Variants in TMC2 observed in about 807,000 individuals in gnomAD.
The protein encoded by TMC2 is transmembrane channel-like protein 2.
In TMC2, 102 loss-of-function variants were observed where a neutral mutation model predicts 105.9. The observed-to-expected ratio is 0.96, with a 90% CI of 0.82 to 1.14. The LOEUF (loss-of-function observed/expected upper bound fraction) is 1.14, where lower values mean the gene tolerates loss of function less well. Among genes scored for constraint, TMC2 ranks in the 50% most tolerant of loss-of-function variants. The pLI is 0.00. For missense variants in TMC2, 1,093 were observed against 1,134.3 expected (o/e 0.96, Z 0.52); for synonymous variants, 402 against 422.8 (o/e 0.95, Z 0.60).
chr20:2,612,189 A>T lies in TMC2; in HGVS notation c.1594-2A>T, dbSNP rs776251786. On this transcript the variant is annotated splice_acceptor_variant, in intron 12 of 19. Transcript: ENST00000358864. LOFTEE classifies it high-confidence loss of function. ...ACCCCACACCTCCATCTTCTGTTCTAGCTTGCTAATGAAGAGACAATAAAG... is the reference window on the plus strand; with the variant it reads ...ACCCCACACCTCCATCTTCTGTTCTTGCTTGCTAATGAAGAGACAATAAAG... 1.3e-6 allele frequency: 2 copies of T among 1,594,014 alleles called. No individual in the cohort carries two copies. Among genetic ancestry groups the T allele is most frequent in the South Asian group, 2.3e-5 (2 of 88,332 alleles).
chr20:2,610,330 A>C, intron 11 of TMC2, 89 bp from the exon 12 acceptor site: 1 of 1,229,970 alleles, frequency 8.1e-7, no homozygotes, highest in Non-Finnish European at 1.1e-6. Context: ...GCAGCAGAGA[A>C]GTGGAGATGG....
chr20:2,624,261 C>CT lies in TMC2; in HGVS notation c.2181-5dup. 2 of 1,613,438 alleles carry CT rather than the reference C, an allele frequency of 1.2e-6. No individual in the cohort carries two copies. Among genetic ancestry groups the CT allele is most frequent in the Non-Finnish European group, 1.7e-6 (2 of 1,179,582 alleles). ...GCAGCATGTTATATTGTGTCCTCTCCTTTTTCCAGTGGGAAAAACAGAATG... is the reference window on the plus strand; with the variant it reads ...GCAGCATGTTATATTGTGTCCTCTCCTTTTTTCCAGTGGGAAAAACAGAATG... On this transcript the variant is annotated splice_polypyrimidine_tract_variant and intron_variant, in intron 16 of 19. Coordinates refer to ENST00000358864, the MANE Select transcript of TMC2 (RefSeq NM_080751.3).
At chr20:2,597,118 G>T in intron 9 of TMC2, 33 bp from the exon 10 acceptor site, 2 of 1,598,306 alleles carry the variant, frequency 1.3e-6, no homozygotes, top group Non-Finnish European at 1.7e-6. Flanking sequence ...CAGAAAGAGG[G>T]CAGACGTCAC....
intron 13 of TMC2, 42 bp from the exon 14 acceptor site, chr20:2,613,152 G>T: frequency 3.1e-6 from 5 of 1,591,398 alleles, no homozygotes; most frequent in Non-Finnish European, 4.3e-6. Context: ...GGAGAAGTGG[G>T]CAAGGTCTCC....
intron 5 of TMC2, among the ~76,000 whole-genome samples, chr20:2,575,370 C>CATTTT (rs2086136495): frequency 1.3e-5 from 2 of 152,112 alleles, no homozygotes; most frequent in Non-Finnish European, 2.9e-5. Context: ...ACTATTTTCC[C>CATTTT]CAATCTATAG....
chr20:2,555,868 G>A (rs1054612045), intron 2 of TMC2, among the ~76,000 whole-genome samples: 1 of 152,090 alleles, frequency 6.6e-6, no homozygotes, highest in African/African-American at 2.4e-5. Flanking sequence ...ACTAATTCAA[G>A]TCCACTTTTA....
chr20:2,609,516 G>A lies in TMC2; in HGVS notation c.1414-903G>A, dbSNP rs1276151338. 5.3e-5 allele frequency among the ~76,000 whole-genome samples: 8 copies of A among 152,194 alleles called. No homozygotes were observed. The East Asian group carries it at 1.5e-3, about 29-fold the overall frequency. On this transcript the variant is annotated intron_variant, in intron 11 of 19. Transcript: ENST00000358864. ...GCAGGCTCAACAAGAATAAACCAAAGCACAAACAATAGTAGGCAGGAATAC... is the reference window on the plus strand; with the variant it reads ...GCAGGCTCAACAAGAATAAACCAAAACACAAACAATAGTAGGCAGGAATAC...
In TMC2 at chr20:2,561,954, C is replaced by T. The variant is rs1209973978; in HGVS notation, c.498C>T (p.Leu166=). The change falls in exon 4 of 20, where the codon CTC becomes CTT. Residue 166 remains leucine, a synonymous_variant. Coordinates refer to ENST00000358864, the MANE Select transcript of TMC2 (RefSeq NM_080751.3). ...ILEQVEEKKK[L]IATMRSKPWP... is the part of the protein sequence containing the mutation. ...AGCAGGTGGAAGAAAAAAAGAAGCT[C>T]ATTGCCACCATGCGGAGCAAGCCCT... The T allele has an allele frequency of 6.2e-7, 1 of 1,614,242 alleles. No homozygotes were observed. Among genetic ancestry groups the T allele is most frequent in the Admixed American group, 1.7e-5 (1 of 60,036 alleles).
Position 2,558,607 on chromosome 20 carries a change from A to G in TMC2, c.234A>G (p.Arg78=), listed in dbSNP as rs376926906. 80 of 1,558,046 alleles carry G rather than the reference A, an allele frequency of 5.1e-5. No individual in the cohort carries two copies. The highest frequency in any genetic ancestry group is 1.4e-4 in the Admixed American group (7 of 51,296). ...SPRRKQTGRR[R]HREELGEQER... is the part of the protein sequence containing the mutation. ...GGAGGAAGCAAACAGGGCGCAGGAG[A>G]CACAGAGAAGAGCTGGGGGAGCAGG... Residue 78 remains arginine, a synonymous_variant, in exon 3 of 20, where the codon AGA becomes AGG. Coordinates refer to ENST00000358864, the MANE Select transcript of TMC2 (RefSeq NM_080751.3). The surrounding 1 kb of genome is among the most constrained non-coding windows in gnomAD (Gnocchi z 4.6).
chr20:2,584,789 T>C, intron 7 of TMC2, among the ~76,000 whole-genome samples: 1 of 149,780 alleles, frequency 6.7e-6, no homozygotes, highest in Non-Finnish European at 1.5e-5. Flanking sequence ...CTCTGAAATG[T>C]CTTTTTTTTT....
At chr20:2,632,375 A>G (rs2086609731) in intron 17 of TMC2, among the ~76,000 whole-genome samples, 1 of 152,132 alleles carries the variant, frequency 6.6e-6, no homozygotes, top group African/African-American at 2.4e-5. Flanking sequence ...TTGGTGAGAC[A>G]TCATTTTGAT....
At chr20:2,565,619 A>C (rs951104571) in intron 4 of TMC2, among the ~76,000 whole-genome samples, 8 of 152,130 alleles carry the variant, frequency 5.3e-5, no homozygotes, top group Admixed American at 2.0e-4. Flanking sequence ...CTGAAAATAA[A>C]GTCTCCAGTT....
intron 2 of TMC2, among the ~76,000 whole-genome samples, chr20:2,546,346 G>A (rs956860416): frequency 7.2e-5 from 11 of 152,136 alleles, no homozygotes; most frequent in South Asian, 2.1e-4. Flanking sequence ...GAATGATTAA[G>A]GATGTAAATA....
intron 10 of TMC2, among the ~76,000 whole-genome samples, chr20:2,600,458 A>G (rs1280956543): frequency 1.3e-5 from 2 of 152,128 alleles, no homozygotes; most frequent in African/African-American, 4.8e-5. Flanking sequence ...CAGGTGGATC[A>G]CCTGAGGTCA....
intron 4 of TMC2, among the ~76,000 whole-genome samples, chr20:2,571,519 C>A (rs113911275): frequency 1.3e-5 from 2 of 152,004 alleles, no homozygotes; most frequent in Admixed American, 1.3e-4. Flanking sequence ...GGTAAGGGTG[C>A]GGAAAAACAA....
rs142427354 is a variant in TMC2 at position 2,628,641 on chromosome 20, C to T, written c.2306+4245C>T. Among the ~76,000 whole-genome samples the T allele has an allele frequency of 7.1e-3, 1,080 of 152,252 alleles. 13 individuals are homozygous for T. Among genetic ancestry groups the T allele is most frequent in the African/African-American group, 0.025 (1,037 of 41,544 alleles). ...TATAAGGGGCTCTTCCCACTTTGCT[C>T]GGCACTTCTCCTTCCCGCCACTTTG... On this transcript the variant is annotated intron_variant, in intron 17 of 19. Transcript: ENST00000358864.
In TMC2 at chr20:2,537,299, G is replaced by A; in HGVS notation, c.65G>A (p.Ser22Asn). 1 of 1,603,500 alleles carries A rather than the reference G, an allele frequency of 6.2e-7. No individual in the cohort carries two copies. Among genetic ancestry groups the A allele is most frequent in the Non-Finnish European group, 8.5e-7 (1 of 1,175,308 alleles). The stretch of plus-strand genomic sequence containing the variant: ...GGCGGAGTGAAAGGGCGGGTGAAGA[G>A]CGGCTCTCCACACACAGGTGAGATG... ...ARGGVKGRVK[S>N]GSPHTGDRLG... The change falls in exon 2 of 20, where the codon AGC (serine) becomes AAC (asparagine). Residue 22 changes from serine (S) to asparagine (N), a missense_variant. Physicochemically the swap from Ser to Asn is conservative, Grantham distance 46. Coordinates refer to ENST00000358864, the MANE Select transcript of TMC2 (RefSeq NM_080751.3).
intron 18 of TMC2, among the ~76,000 whole-genome samples, chr20:2,637,216 G>C (rs13038421): frequency 1.0e-4 from 1 of 9,988 alleles, no homozygotes; most frequent in Non-Finnish European, 2.4e-4. Context: ...TGGTGAACCC[G>C]TCTCTACTAA....
intron 5 of TMC2, 31 bp downstream of exon 5, chr20:2,572,300 G>A (rs1239454860): frequency 2.6e-6 from 4 of 1,555,644 alleles, no homozygotes; most frequent in East Asian, 2.2e-5. Context: ...GAATCTGTTG[G>A]GAGGGCTTGC....
Sources: allele counts gnomAD v4.1 joint callset (sites outside exome capture counted in the v4.1 genomes callset), GRCh38; gene constraint gnomAD v4.1.1; non-coding constraint Gnocchi (gnomAD v3.1); transcripts MANE v1.5; gene names NCBI Gene and HGNC (gene_info 2026-07-23, HGNC 2026-07-21).